Variants in NELL1 observed in about 807,000 individuals in gnomAD.
NELL1 encodes the protein neural EGFL like 1.
NELL1 carries 76 observed loss-of-function variants against 107.4 expected under a neutral mutation model. That is an observed-to-expected ratio of 0.71 (90% confidence interval 0.59 to 0.86). NELL1 has a LOEUF of 0.86. Among genes scored for constraint, NELL1 ranks in the 40% least tolerant of loss-of-function variants. The pLI, the probability that NELL1 is intolerant of heterozygous loss-of-function variation, is 0.00. For synonymous variants in NELL1, 353 were observed against 341.2 expected, an observed-to-expected ratio of 1.03 and a Z score of -0.38; for missense variants, 1,024 against 1,005.5, an observed-to-expected ratio of 1.02 and a Z score of -0.25.
At chr11:21,191,861 CTT>C (rs1341966627) in intron 13 of NELL1, among the ~76,000 whole-genome samples, 3 of 151,892 alleles carry the variant, frequency 2.0e-5, no homozygotes, top group Non-Finnish European at 4.4e-5. Context: ...TATGTTTTAA[CTT>C]TTATATTTTA....
At chr11:20,817,325 G>A (rs929350881) in intron 3 of NELL1, among the ~76,000 whole-genome samples, 4 of 151,918 alleles carry the variant, frequency 2.6e-5, no homozygotes, top group African/African-American at 9.7e-5. Flanking sequence ...TCTTGATGTT[G>A]GTCTGTTCAG....
chr11:21,169,241 T>C (rs1180119961), intron 13 of NELL1, among the ~76,000 whole-genome samples: 1 of 151,850 alleles, frequency 6.6e-6, no homozygotes, highest in Non-Finnish European at 1.5e-5. Context: ...GGATGGATGT[T>C]GTTTAGGGTT....
intron 2 of NELL1, among the ~76,000 whole-genome samples, chr11:20,724,682 A>C (rs753633797): frequency 7.2e-5 from 11 of 152,086 alleles, no homozygotes; most frequent in Middle Eastern, 3.2e-3. Context: ...GGACATTCCA[A>C]ACTTTCCCAC....
intron 2 of NELL1, among the ~76,000 whole-genome samples, chr11:20,745,290 C>G (rs1855979131): frequency 6.6e-6 from 1 of 152,156 alleles, no homozygotes; most frequent in Non-Finnish European, 1.5e-5. Flanking sequence ...TTATAAGTCT[C>G]ACACATTGAT....
At chr11:21,350,660 GTGAT>G (rs1850788462) in intron 14 of NELL1, among the ~76,000 whole-genome samples, 2 of 152,146 alleles carry the variant, frequency 1.3e-5, no homozygotes, top group African/African-American at 4.8e-5. Context: ...TCAATAAGGA[GTGAT>G]TGATTATGTA....
At chr11:21,560,479 T>C (rs917312505) in intron 17 of NELL1, 97 bp downstream of exon 17, 5 of 1,122,596 alleles carry the variant, frequency 4.5e-6, no homozygotes, top group Non-Finnish European at 2.5e-6. Context: ...CTGTTGACTG[T>C]AGTTCCTGAA....
intron 2 of NELL1, among the ~76,000 whole-genome samples, chr11:20,711,951 G>A (rs1715277): frequency 0.17 from 25,606 of 152,014 alleles, 2,511 homozygotes; most frequent in African/African-American, 0.24. Flanking sequence ...AGATCTAGAT[G>A]TCTAGATCTT....
chr11:20,811,840 T>C (rs1857507803), intron 3 of NELL1, among the ~76,000 whole-genome samples: 1 of 152,110 alleles, frequency 6.6e-6, no homozygotes, highest in Admixed American at 6.6e-5. Context: ...GTGATGTCTC[T>C]GAGGTTTTAT....
chr11:21,215,046 C>T (rs879828491), intron 13 of NELL1, among the ~76,000 whole-genome samples: 47 of 152,096 alleles, frequency 3.1e-4, no homozygotes, highest in Non-Finnish European at 7.3e-5. Flanking sequence ...TTGGCTGTGT[C>T]CCCACCCAAA....
chr11:21,384,701 G>GT (rs1279134377), intron 15 of NELL1, among the ~76,000 whole-genome samples: 1 of 151,736 alleles, frequency 6.6e-6, no homozygotes, highest in Non-Finnish European at 1.5e-5. Flanking sequence ...GCGGTGTTTG[G>GT]TTTTTTGTTC....
At chr11:21,123,836 CAATA>C (rs1279499000) in intron 13 of NELL1, among the ~76,000 whole-genome samples, 1 of 151,808 alleles carries the variant, frequency 6.6e-6, no homozygotes, top group Non-Finnish European at 1.5e-5. Context: ...AAATAAATGA[CAATA>C]AATCCATATA....
chr11:21,490,730 G>C (rs1278845936), intron 15 of NELL1, among the ~76,000 whole-genome samples: 1 of 151,926 alleles, frequency 6.6e-6, no homozygotes, highest in Non-Finnish European at 1.5e-5. Flanking sequence ...ATGGTGCTGG[G>C]AAAATTGGAT....
At chr11:21,269,254 T>C (rs1848693163) in intron 14 of NELL1, among the ~76,000 whole-genome samples, 1 of 152,012 alleles carries the variant, frequency 6.6e-6, no homozygotes, top group Admixed American at 6.6e-5. Context: ...GAAACAATAA[T>C]GACTGAGAAT....
chr11:21,060,456 G>A lies in NELL1; in HGVS notation c.1301-53133G>A, dbSNP rs1024921692. On this transcript the variant is annotated intron_variant, in intron 12 of 19. Coordinates refer to ENST00000357134, the MANE Select transcript of NELL1 (RefSeq NM_006157.5). ...CCTTAGCTATGCCATCATTATTATG[G>A]GGGATTGTCTTTGTGTGTGTGTATG... Among the ~76,000 whole-genome samples the A allele has an allele frequency of 5.2e-4, 79 of 152,200 alleles. 5 individuals carry two copies. Among genetic ancestry groups the A allele is most frequent in the Admixed American group, 5.2e-3 (79 of 15,284 alleles).
intron 5 of NELL1, among the ~76,000 whole-genome samples, chr11:20,900,122 G>C (rs545332991): frequency 6.6e-6 from 1 of 152,218 alleles, no homozygotes; most frequent in African/African-American, 2.4e-5. Context: ...TCAGCTGCTG[G>C]GGTTTCTGGG....
At chr11:21,484,049 T>G (rs868775903) in intron 15 of NELL1, among the ~76,000 whole-genome samples, 19 of 132,166 alleles carry the variant, frequency 1.4e-4, no homozygotes, top group African/African-American at 5.1e-4. Context: ...TGTGACCTCA[T>G]TATATAAAAT....
At chr11:21,552,935 G>A (rs538432661) in intron 16 of NELL1, among the ~76,000 whole-genome samples, 44 of 151,806 alleles carry the variant, frequency 2.9e-4, no homozygotes, top group Non-Finnish European at 4.7e-4. Context: ...AATACACAGG[G>A]CAGTGAAAGG....
chr11:21,128,221 C>T (rs530124778), intron 13 of NELL1, among the ~76,000 whole-genome samples: 5 of 152,238 alleles, frequency 3.3e-5, no homozygotes, highest in African/African-American at 9.6e-5. Context: ...CAGAAAAGCA[C>T]GTTGTAACTA....
Position 21,570,670 on chromosome 11 carries a change from G to C in NELL1, c.1981-94G>C, listed in dbSNP as rs1482033483. ...TTTGAACAGAATGAGAGGTGGCCAG[G>C]GGGTGACCAAACATCCAAGAAGTTC... is the stretch of plus-strand genomic sequence containing the variant. On this transcript the variant is annotated intron_variant, in intron 17 of 19. Transcript: ENST00000357134. 4 of 1,189,940 alleles carry C rather than the reference G, an allele frequency of 3.4e-6. No homozygotes were observed. In the African/African-American group the frequency reaches 6.0e-5, roughly 18 times the overall value. 73.7% of individuals were successfully genotyped at this position (1,189,940 alleles called of 1,614,324 possible).
Sources: allele counts gnomAD v4.1 joint callset (sites outside exome capture counted in the v4.1 genomes callset), GRCh38; gene constraint gnomAD v4.1.1; transcripts MANE v1.5; gene names NCBI Gene and HGNC (gene_info 2026-07-23, HGNC 2026-07-21).